The following SCN11A variants were observed in gnomAD, a reference collection of about 807,000 sequenced individuals.
SCN11A encodes sodium channel protein type 11 subunit alpha.
A neutral mutation model predicts 162.2 loss-of-function variants in SCN11A; 122 were observed. The ratio of observed to expected loss-of-function variants is 0.75; its 90% CI spans 0.65 to 0.87. The LOEUF (loss-of-function observed/expected upper bound fraction) is 0.87, where lower values mean the gene tolerates loss of function less well. Among genes scored for constraint, SCN11A ranks in the 40% least tolerant of loss-of-function variants. The pLI, the probability that SCN11A is intolerant of heterozygous loss-of-function variation, is 0.00. For missense variants in SCN11A, 2,015 were observed against 2,181.6 expected, an observed-to-expected ratio of 0.92 and a Z score of 1.52; for synonymous variants, 758 against 751.5, an observed-to-expected ratio of 1.01 and a Z score of -0.14.
chr3:38,953,049 T>G (rs963891861), intron 4 of SCN11A, among the ~76,000 whole-genome samples: 4 of 107,520 alleles, frequency 3.7e-5, no homozygotes, highest in Non-Finnish European at 6.3e-5. Flanking sequence ...ATCAGATTTG[T>G]TTTTTTTTGT....
chr3:38,850,697 T>C lies in SCN11A; in HGVS notation c.4111A>G (p.Ile1371Val), dbSNP rs1182861519. ...DIVTSQIFDI[I>V]IISLIILNMI... is the part of the protein sequence containing the mutation. ...TTTAGGATAATGAGACTTATGATGATGATGTCAAAGATCTGGCTTGTGACT... is the reference window on the plus strand; with the variant it reads ...TTTAGGATAATGAGACTTATGATGACGATGTCAAAGATCTGGCTTGTGACT... Residue 1371 changes from isoleucine (I) to valine (V), a missense_variant, in exon 29 of 30, where the codon ATC (isoleucine) becomes GTC (valine). Ile to Val is a conservative substitution (Grantham distance 29). Coordinates refer to ENST00000302328, the MANE Select transcript of SCN11A (RefSeq NM_001349253.2). 2.5e-6 allele frequency: 4 copies of C among 1,613,554 alleles called. No homozygotes were observed. The highest frequency in any genetic ancestry group is 3.4e-6 in the Non-Finnish European group (4 of 1,179,558).
rs1396664188 is a variant in SCN11A at position 38,897,007 on chromosome 3, C to T, written c.2241G>A (p.Arg747=). Residue 747 remains arginine, a synonymous_variant, in exon 18 of 30, where the codon CGG becomes CGA. Transcript: ENST00000302328. The part of the protein sequence containing the change: ...NPTGPTVSCL[R]HWHMGDFWHS... ...GCCAGAAATCCCCCATGTGCCAGTG[C>T]CGTAAACATGAGACTGTCGGGCCTG... 15 of 1,613,956 alleles carry T rather than the reference C, an allele frequency of 9.3e-6. No individual in the cohort carries two copies. Among genetic ancestry groups the T allele is most frequent in the Non-Finnish European group, 1.3e-5 (15 of 1,180,012 alleles).
At chr3:39,040,721 G>C (rs1043739212) in intron 1 of SCN11A, among the ~76,000 whole-genome samples, 4 of 152,162 alleles carry the variant, frequency 2.6e-5, no homozygotes, top group African/African-American at 7.2e-5. Context: ...GAAGCTAAAA[G>C]ATTCTGCTAA....
At chr3:38,897,586 CAT>C (rs2065626728) in intron 17 of SCN11A, among the ~76,000 whole-genome samples, 4 of 152,032 alleles carry the variant, frequency 2.6e-5, no homozygotes, top group South Asian at 4.1e-4. Context: ...CATGGTGGCG[CAT>C]GCCTGTAGTC....
Position 38,919,932 on chromosome 3 carries a change from T to TA in SCN11A, c.959+2dup. ...GGGAGGAAAATGATTATAAACCTCT[T>TA]ACCTGTTACCCATCCAGATGCCACA... is the stretch of plus-strand genomic sequence containing the variant. On this transcript the variant is annotated splice_region_variant and intron_variant, in intron 11 of 29. Coordinates refer to ENST00000302328, the MANE Select transcript of SCN11A (RefSeq NM_001349253.2). 1 of 1,609,972 alleles carries TA rather than the reference T, an allele frequency of 6.2e-7. No homozygotes were observed. Among genetic ancestry groups the TA allele is most frequent in the Non-Finnish European group, 8.5e-7 (1 of 1,176,376 alleles).
chr3:38,909,187 C>T lies in SCN11A; in HGVS notation c.1109G>A (p.Arg370His), dbSNP rs138034948. Residue 370 changes from arginine (R) to histidine (H), a missense_variant, in exon 13 of 30, where the codon CGT becomes CAT. Coordinates refer to ENST00000302328, the MANE Select transcript of SCN11A (RefSeq NM_001349253.2). ...GAAGACTGAGTAGAGCCCAGTAGTA[C>T]GCAGGGTCTGCAAAGGACAGAGCAT... ...SWEKLYQQTL[R>H]TTGLYSVFFF... The T allele has an allele frequency of 2.8e-4, 456 of 1,613,944 alleles. No individual in the cohort carries two copies. In the African/African-American group the frequency reaches 3.7e-3, roughly 13 times the overall value.
At chr3:38,963,368 T>G (rs1190754003) in intron 2 of SCN11A, among the ~76,000 whole-genome samples, 1 of 78,774 alleles carries the variant, frequency 1.3e-5, no homozygotes, top group African/African-American at 9.2e-5. Flanking sequence ...TATATATATA[T>G]ATATATATAT....
chr3:38,941,285 C>T (rs2066438805), intron 7 of SCN11A, among the ~76,000 whole-genome samples: 2 of 152,142 alleles, frequency 1.3e-5, no homozygotes, highest in Non-Finnish European at 2.9e-5. Context: ...AATTGTCAAG[C>T]ACTGATTCTA....
intron 5 of SCN11A, among the ~76,000 whole-genome samples, chr3:38,947,581 G>A (rs2066537024): frequency 6.6e-6 from 1 of 152,204 alleles, no homozygotes; most frequent in Non-Finnish European, 1.5e-5. Context: ...ACCCAGGGAT[G>A]CCAAACAGGA....
chr3:38,879,887 C>G, intron 23 of SCN11A, 63 bp downstream of exon 23: 5 of 1,353,488 alleles, frequency 3.7e-6, no homozygotes, highest in Non-Finnish European at 5.2e-6. Context: ...AAAGCAGCCT[C>G]CATATGATCC....
At chr3:39,024,272 A>G (rs2031531078) in intron 2 of SCN11A, among the ~76,000 whole-genome samples, 1 of 152,256 alleles carries the variant, frequency 6.6e-6, no homozygotes, top group Non-Finnish European at 1.5e-5. Flanking sequence ...ATGACCTAAT[A>G]GTAGCAGATA....
At chr3:38,959,056 AAG>A (rs1216684726) in intron 3 of SCN11A, among the ~76,000 whole-genome samples, 1 of 152,184 alleles carries the variant, frequency 6.6e-6, no homozygotes, top group Admixed American at 6.5e-5. Context: ...GGGAAATCGC[AAG>A]ATGTTTCCAA....
intron 2 of SCN11A, among the ~76,000 whole-genome samples, chr3:39,008,736 G>C (rs1365161152): frequency 1.3e-5 from 2 of 151,872 alleles, no homozygotes; most frequent in Non-Finnish European, 2.9e-5. Context: ...TAAAATACAA[G>C]GGTGGGTGTA....
In SCN11A at chr3:38,984,772, A is replaced by G. The variant is rs568755009; in HGVS notation, c.-279-24349T>C. On this transcript the variant is annotated intron_variant, in intron 2 of 29. Transcript: ENST00000302328. ...GTGATCCGCCCACCTTGGCCTCCCAACGTGCTGGGATTACAGGCGTGAGCC... is the reference window on the plus strand; with the variant it reads ...GTGATCCGCCCACCTTGGCCTCCCAGCGTGCTGGGATTACAGGCGTGAGCC... 1.6e-4 allele frequency among the ~76,000 whole-genome samples: 24 copies of G among 152,268 alleles called. No individual in the cohort carries two copies. In the East Asian group the frequency reaches 3.5e-3, roughly 22 times the overall value.
intron 19 of SCN11A, among the ~76,000 whole-genome samples, chr3:38,886,457 T>C (rs1293238315): frequency 6.6e-6 from 1 of 152,190 alleles, no homozygotes; most frequent in Non-Finnish European, 1.5e-5. Flanking sequence ...GTTACAAAGA[T>C]ACATAATCAA....
At chr3:38,897,630 C>T (rs1230574953) in intron 17 of SCN11A, among the ~76,000 whole-genome samples, 4 of 150,784 alleles carry the variant, frequency 2.7e-5, no homozygotes, top group South Asian at 2.1e-4. Flanking sequence ...GCAGGGGAAT[C>T]GCTTGAACCT....
At chr3:38,928,538 A>T (rs910188618) in intron 7 of SCN11A, among the ~76,000 whole-genome samples, 4 of 152,192 alleles carry the variant, frequency 2.6e-5, no homozygotes, top group East Asian at 3.8e-4. Context: ...ACAGTAAAAT[A>T]AAATTAAATT....
chr3:38,913,549 C>T (rs2065915437), intron 11 of SCN11A, among the ~76,000 whole-genome samples: 1 of 152,134 alleles, frequency 6.6e-6, no homozygotes, highest in Non-Finnish European at 1.5e-5. Flanking sequence ...CTTTTGGCAT[C>T]TTCATCATGA....
At chr3:38,892,204 A>C (rs1173986107) in intron 19 of SCN11A, among the ~76,000 whole-genome samples, 2 of 152,210 alleles carry the variant, frequency 1.3e-5, no homozygotes, top group African/African-American at 4.8e-5. Flanking sequence ...TCAAAAATGA[A>C]GATGAAATAA....
Sources: gnomAD v4.1 joint callset for allele counts (sites outside exome capture counted in the v4.1 genomes callset) on GRCh38, gnomAD v4.1.1 for gene constraint, MANE v1.5 for transcripts, NCBI Gene and HGNC (gene_info 2026-07-23, HGNC 2026-07-21) for gene names.